FAM120B: variants seen among roughly 807,000 people sequenced by gnomAD.
The protein encoded by FAM120B is family with sequence similarity 120 member B, also known as constitutive coactivator of peroxisome proliferator-activated receptor gamma.
A neutral mutation model predicts 96.3 loss-of-function variants in FAM120B; 83 were observed. That is an observed-to-expected ratio of 0.86 (90% confidence interval 0.72 to 1.03). The LOEUF is 1.03. Among genes scored for constraint, FAM120B ranks in the 50% least tolerant of loss-of-function variants. FAM120B has a pLI of 0.00. For synonymous variants in FAM120B, 407 were observed against 402.7 expected, an observed-to-expected ratio of 1.01 and a Z score of -0.13; for missense variants, 1,027 against 1,121.2, an observed-to-expected ratio of 0.92 and a Z score of 1.20.
intron 6 of FAM120B, among the ~76,000 whole-genome samples, chr6:170,381,278 A>G (rs976203244): frequency 1.1e-4 from 16 of 152,222 alleles, no homozygotes; most frequent in African/African-American, 3.6e-4. Context: ...CATGCATTCA[A>G]CAACTTAGAT....
chr6:170,398,472 G>T (rs113555410), intron 9 of FAM120B, among the ~76,000 whole-genome samples: 15 of 147,432 alleles, frequency 1.0e-4, no homozygotes, highest in Non-Finnish European at 7.5e-5. Flanking sequence ...AGGAGTGAGT[G>T]GGGAAGGTAG....
At position 170,318,649 on chromosome 6, in the gene FAM120B, A is replaced by C. The variant is rs200811562; in HGVS notation, c.1259A>C (p.Glu420Ala). The C allele has an allele frequency of 3.1e-6, 5 of 1,590,008 alleles. No homozygotes were observed. Among genetic ancestry groups the C allele is most frequent in the Non-Finnish European group, 4.3e-6 (5 of 1,166,880 alleles). ...GAAGTTCCCATGTGTACAGGCCCTG[A>C]AGCCAGGCAAGAAGTTCCCATGTAT... Reference protein sequence around the residue: ...RQEVPMCTGPEARQEVPMYTD... With the variant: ...RQEVPMCTGPAARQEVPMYTD... The change falls in exon 2 of 11, where the codon GAA becomes GCA. Residue 420 changes from glutamate to alanine, a missense_variant. Glu to Ala is a moderately radical substitution (Grantham distance 107, BLOSUM62 -1). Transcript: ENST00000476287.
chr6:170,384,345 C>T (rs762826230), intron 6 of FAM120B, among the ~76,000 whole-genome samples: 1 of 152,124 alleles, frequency 6.6e-6, no homozygotes, highest in African/African-American at 2.4e-5. Flanking sequence ...CTATCTTTGT[C>T]AACTCCTGTG....
At position 170,335,964 on chromosome 6, in the gene FAM120B, T is replaced by C. The variant is rs530772652; in HGVS notation, c.2017+5414T>C. ...GGATATTAGCCCTTTGTCAGAAGGA[T>C]AGATTGCAAAAATTTTCCCCCATTC... is the stretch of plus-strand genomic sequence containing the variant. On this transcript the variant is annotated intron_variant, in intron 4 of 10. Coordinates refer to ENST00000476287, the MANE Select transcript of FAM120B (RefSeq NM_032448.3). Among the ~76,000 whole-genome samples, 7 of 152,326 alleles carry C rather than the reference T, an allele frequency of 4.6e-5. No individual in the cohort carries two copies. The South Asian group carries it at 6.2e-4, about 14-fold the overall frequency.
At chr6:170,342,547 G>A (rs972796720) in intron 4 of FAM120B, among the ~76,000 whole-genome samples, 3 of 152,182 alleles carry the variant, frequency 2.0e-5, no homozygotes, top group Non-Finnish European at 4.4e-5. Flanking sequence ...CAGGAGGTGC[G>A]TTCACAACTC....
chr6:170,376,425 T>G (rs1789516821), intron 6 of FAM120B, among the ~76,000 whole-genome samples: 1 of 141,476 alleles, frequency 7.1e-6, no homozygotes, highest in African/African-American at 2.7e-5. Context: ...ACACCTTCAT[T>G]GAAGGACCAG....
intron 1 of FAM120B, among the ~76,000 whole-genome samples, chr6:170,297,240 G>A (rs1444678047): frequency 6.6e-6 from 1 of 152,172 alleles, no homozygotes; most frequent in East Asian, 1.9e-4. Flanking sequence ...ACGGGACCCC[G>A]CGTCCCCCCA....
At chr6:170,360,530 A>G (rs1393413688) in intron 6 of FAM120B, among the ~76,000 whole-genome samples, 1 of 152,014 alleles carries the variant, frequency 6.6e-6, no homozygotes, top group Non-Finnish European at 1.5e-5. Context: ...TTTTAAAAGC[A>G]CTCCCATAAG....
chr6:170,363,822 T>A lies in FAM120B; in HGVS notation c.2283+5504T>A, dbSNP rs1483174877. Among the ~76,000 whole-genome samples the A allele has an allele frequency of 2.0e-5, 3 of 152,124 alleles. No homozygotes were observed. The highest frequency in any genetic ancestry group is 7.2e-5 in the African/African-American group (3 of 41,430). On this transcript the variant is annotated intron_variant, in intron 6 of 10. Transcript: ENST00000476287. This position sits in a 1 kb window ranked among gnomAD's most constrained non-coding sequence, Gnocchi z 4.5. ...CCCTGTCACCCAGGCTAGAGTGCAG[T>A]GGCGCGAACTCAGCTCACTGCAACC... is the stretch of plus-strand genomic sequence containing the variant.
chr6:170,366,379 A>G (rs1788797163), intron 6 of FAM120B, among the ~76,000 whole-genome samples: 1 of 152,080 alleles, frequency 6.6e-6, no homozygotes, highest in Non-Finnish European at 1.5e-5. Context: ...GAGTCTCTCC[A>G]TTGCATCTGG....
chr6:170,319,254 G>A (rs1263259584), intron 2 of FAM120B, 130 bp downstream of exon 2: 6 of 831,180 alleles, frequency 7.2e-6, no homozygotes, highest in East Asian at 5.2e-5. Flanking sequence ...TCTAAGTCTC[G>A]TTAGGAAGTG....
chr6:170,403,049 T>C (rs1021548967), intron 9 of FAM120B, among the ~76,000 whole-genome samples: 1 of 152,190 alleles, frequency 6.6e-6, no homozygotes, highest in Non-Finnish European at 1.5e-5. Context: ...TGAGTTTGTG[T>C]CAGATTTAAG....
intron 3 of FAM120B, among the ~76,000 whole-genome samples, chr6:170,325,692 T>A (rs1436933927): frequency 6.6e-6 from 1 of 151,980 alleles, no homozygotes; most frequent in Non-Finnish European, 1.5e-5. Context: ...AATACAGATA[T>A]TAGCTGGGCA....
intron 4 of FAM120B, among the ~76,000 whole-genome samples, chr6:170,343,242 G>A (rs1337135674): frequency 2.6e-5 from 4 of 152,156 alleles, no homozygotes; most frequent in African/African-American, 4.8e-5. Context: ...ACATTTTACC[G>A]CATTTATGAA....
intron 4 of FAM120B, among the ~76,000 whole-genome samples, chr6:170,338,346 T>G (rs991942633): frequency 1.3e-5 from 2 of 152,216 alleles, no homozygotes; most frequent in African/African-American, 2.4e-5. Flanking sequence ...CAGTTTTAAG[T>G]GAGTTTCTTA....
upstream of FAM120B, among the ~76,000 whole-genome samples, chr6:170,291,303 C>A (rs1583159416): frequency 6.6e-6 from 1 of 152,086 alleles, no homozygotes; most frequent in African/African-American, 2.4e-5. Flanking sequence ...CAGAGACCCT[C>A]GGCCACACGC....
chr6:170,350,661 A>G (rs191937276), intron 5 of FAM120B, among the ~76,000 whole-genome samples: 5 of 152,340 alleles, frequency 3.3e-5, no homozygotes, highest in Admixed American at 3.3e-4. Context: ...GGCAACTGGC[A>G]TCTGGAGTAG....
At chr6:170,404,717 C>G in intron 10 of FAM120B, 46 bp from the exon 11 acceptor site, 1 of 800,386 alleles carries the variant, frequency 1.2e-6, no homozygotes, top group Non-Finnish European at 2.1e-6. Context: ...TCCTGCTGAC[C>G]TGGTGCCGAG....
intron 2 of FAM120B, among the ~76,000 whole-genome samples, chr6:170,320,772 T>G (rs1029682526): frequency 3.9e-5 from 6 of 152,150 alleles, no homozygotes; most frequent in Admixed American, 2.0e-4. Context: ...GGATGGAGAC[T>G]TAAGGAACAG....
Sources: gnomAD v4.1 joint callset for allele counts (sites outside exome capture counted in the v4.1 genomes callset) on GRCh38, gnomAD v4.1.1 for gene constraint, Gnocchi (gnomAD v3.1) non-coding constraint, MANE v1.5 for transcripts, NCBI Gene and HGNC (gene_info 2026-07-23, HGNC 2026-07-21) for gene names.